PKD1L1: variants seen among roughly 807,000 people sequenced by gnomAD.
PKD1L1 encodes the protein polycystin-1-like protein 1.
Under a neutral mutation model 323.4 loss-of-function variants are expected in PKD1L1, and 236 were observed. The observed-to-expected ratio is 0.73, with a 90% CI of 0.66 to 0.81. PKD1L1 has a LOEUF of 0.81. Among genes scored for constraint, PKD1L1 ranks in the 40% least tolerant of loss-of-function variants. The pLI, the probability that PKD1L1 is intolerant of heterozygous loss-of-function variation, is 0.00. For missense variants in PKD1L1, 3,320 were observed against 3,508.0 expected, an observed-to-expected ratio of 0.95 and a Z score of 1.35; for synonymous variants, 1,344 against 1,335.0, an observed-to-expected ratio of 1.01 and a Z score of -0.15.
chr7:47,959,703 GT>G, the PKD1L1 span, among the ~76,000 whole-genome samples: 6 of 122,306 alleles, frequency 4.9e-5, no homozygotes, highest in Admixed American at 1.6e-4. Context: ...AGGTGGGGGG[GT>G]CAGCCCCCCG....
chr7:47,842,316 C>T (rs1355684907), intron 34 of PKD1L1, among the ~76,000 whole-genome samples: 2 of 152,170 alleles, frequency 1.3e-5, no homozygotes, highest in Non-Finnish European at 2.9e-5. Context: ...TCTTATTCAT[C>T]CTCCCATCTA....
the PKD1L1 span, chr7:47,956,862 T>C: frequency 6.4e-6 from 1 of 157,046 alleles, no homozygotes; most frequent in Non-Finnish European, 1.4e-5. Flanking sequence ...GTTGAATTCG[T>C]TGCTCAAACC....
At chr7:47,943,198 G>A (rs201938966) in intron 2 of PKD1L1, among the ~76,000 whole-genome samples, 198 bp downstream of exon 2, 1 of 139,354 alleles carries the variant, frequency 7.2e-6, no homozygotes, top group Non-Finnish European at 1.6e-5. Flanking sequence ...ATATATATAT[G>A]TGTGTGTACC....
chr7:47,948,249 G>A (rs573309706), intron 1 of PKD1L1, 148 bp downstream of exon 1: 24 of 856,650 alleles, frequency 2.8e-5, no homozygotes, highest in Admixed American at 2.0e-4. Context: ...AACTGACCCC[G>A]CCGGCCAAAT....
chr7:47,793,399 G>A (rs192101822), intron 55 of PKD1L1, among the ~76,000 whole-genome samples: 20 of 152,178 alleles, frequency 1.3e-4, no homozygotes, highest in Admixed American at 7.2e-4. Context: ...GGTCTTTCCC[G>A]TGCTATTCTT....
chr7:47,812,995 G>T (rs1784933171), intron 49 of PKD1L1, 126 bp downstream of exon 49: 2 of 1,137,016 alleles, frequency 1.8e-6, no homozygotes, highest in Non-Finnish European at 2.5e-6. Context: ...CCCTGGCAGT[G>T]GTGCGCTGAC....
chr7:47,840,728 C>T lies in PKD1L1; in HGVS notation c.5446-161G>A, dbSNP rs984479712. 6.6e-6 allele frequency among the ~76,000 whole-genome samples: 1 copy of T among 152,264 alleles called. No individual in the cohort carries two copies. Among genetic ancestry groups the T allele is most frequent in the Admixed American group, 6.5e-5 (1 of 15,286 alleles). On this transcript the variant is annotated intron_variant, in intron 34 of 56. Coordinates refer to ENST00000289672, the MANE Select transcript of PKD1L1 (RefSeq NM_138295.5). This position sits in a 1 kb window ranked among gnomAD's most constrained non-coding sequence, Gnocchi z 4.1. The stretch of plus-strand genomic sequence containing the variant: ...CCTAGAGCCAGGGGATGAGTGGGCA[C>T]GTCCAGTCCCAGGCTTCCCTGGAGA...
At chr7:47,844,575 A>T (rs1785626072) in intron 33 of PKD1L1, among the ~76,000 whole-genome samples, 1 of 152,228 alleles carries the variant, frequency 6.6e-6, no homozygotes, top group Non-Finnish European at 1.5e-5. Context: ...TCTATTATCT[A>T]AAATGGGATA....
At chr7:47,954,429 G>T in the PKD1L1 span, among the ~76,000 whole-genome samples, 1 of 152,156 alleles carries the variant, frequency 6.6e-6, no homozygotes, top group East Asian at 1.9e-4. Context: ...ATGGCTTAAT[G>T]CTGTTACCAG....
chr7:47,843,876 C>G (rs1317809725), intron 33 of PKD1L1, among the ~76,000 whole-genome samples: 1 of 152,226 alleles, frequency 6.6e-6, no homozygotes, highest in Admixed American at 6.5e-5. Flanking sequence ...CATCCCCTAG[C>G]ATTCTGCTCT....
At chr7:47,803,493 T>C (rs1290875645) in intron 52 of PKD1L1, 149 bp from the exon 53 acceptor site, 3 of 873,790 alleles carry the variant, frequency 3.4e-6, no homozygotes, top group Non-Finnish European at 5.2e-6. Flanking sequence ...CAAGTGCAGA[T>C]GTCTGCAGAG....
intron 42 of PKD1L1, 97 bp from the exon 43 acceptor site, chr7:47,830,221 C>A (rs1785317829): frequency 2.0e-6 from 2 of 1,005,314 alleles, no homozygotes; most frequent in Admixed American, 4.9e-5. Context: ...CCTGAGAGGG[C>A]CTATGGCCTC....
At chr7:47,951,653 AC>A (rs1352989323), upstream of PKD1L1, among the ~76,000 whole-genome samples, 1 of 152,206 alleles carries the variant, frequency 6.6e-6, no homozygotes, top group African/African-American at 2.4e-5. Flanking sequence ...TCAGATGGAA[AC>A]TTCAGCAATT....
chr7:47,831,349 G>T lies in PKD1L1; in HGVS notation c.6341C>A (p.Pro2114His), dbSNP rs773437434. The change falls in exon 42 of 57, where the codon CCC becomes CAC. Residue 2114 changes from proline to histidine, a missense_variant. Pro to His is a moderately conservative substitution (Grantham distance 77). Transcript: ENST00000289672. ...SHCCPPHTQA[P>H]SSGLEGLMPQ... The stretch of plus-strand genomic sequence containing the variant: ...CATTAGTCCCTCCAAACCACTGCTG[G>T]GTGCTGCGGAAGAGTAGGACAGAGA... 2.6e-5 allele frequency: 42 copies of T among 1,611,348 alleles called. No individual in the cohort carries two copies. The highest frequency in any genetic ancestry group is 3.6e-5 in the Non-Finnish European group (42 of 1,179,060).
chr7:47,823,366 T>C lies in PKD1L1; in HGVS notation c.6855-2180A>G, dbSNP rs544923615. Among the ~76,000 whole-genome samples, 3 of 152,324 alleles carry C rather than the reference T, an allele frequency of 2.0e-5. No homozygotes were observed. The East Asian group carries it at 5.8e-4, about 29-fold the overall frequency. On this transcript the variant is annotated intron_variant, in intron 45 of 56. Coordinates refer to ENST00000289672, the MANE Select transcript of PKD1L1 (RefSeq NM_138295.5). ...GTTTTTCTTATTTAGTCTATTAATA[T>C]GGTGAATTACATTAATTACTTTCCT...
chr7:47,921,364 G>C (rs1787534559), intron 7 of PKD1L1, among the ~76,000 whole-genome samples: 1 of 151,816 alleles, frequency 6.6e-6, no homozygotes, highest in South Asian at 2.1e-4. Context: ...CTGCAACAAT[G>C]GCTATAATCA....
At chr7:47,959,759 C>A in the PKD1L1 span, among the ~76,000 whole-genome samples, 3 of 147,656 alleles carry the variant, frequency 2.0e-5, 1 homozygote, top group Admixed American at 2.0e-4. Flanking sequence ...GGGGTCAGCC[C>A]CCCGCCCGGC....
intron 52 of PKD1L1, among the ~76,000 whole-genome samples, chr7:47,805,384 G>GC (rs1784756022): frequency 6.6e-6 from 1 of 152,138 alleles, no homozygotes; most frequent in East Asian, 1.9e-4. Context: ...CTGGGATGCA[G>GC]CCTACATTGA....
intron 30 of PKD1L1, 69 bp downstream of exon 30, chr7:47,854,813 T>G (rs147985240): frequency 6.6e-7 from 1 of 1,523,824 alleles, no homozygotes; most frequent in East Asian, 2.3e-5. Flanking sequence ...ACTGATTTTT[T>G]GTCACAAAAC....
Sources: allele counts gnomAD v4.1 joint callset (sites outside exome capture counted in the v4.1 genomes callset), GRCh38; gene constraint gnomAD v4.1.1; non-coding constraint Gnocchi (gnomAD v3.1); transcripts MANE v1.5; gene names NCBI Gene and HGNC (gene_info 2026-07-23, HGNC 2026-07-21).